Variants in PSMD14 observed in about 807,000 individuals in gnomAD.
PSMD14 encodes proteasome 26S subunit, non-ATPase 14, also known as ubiquitin C-terminal hydrolase PSMD14.
Under a neutral mutation model 41.2 loss-of-function variants are expected in PSMD14, and 7 were observed. The ratio of observed to expected loss-of-function variants is 0.17; its 90% CI spans 0.10 to 0.32. The LOEUF is 0.32. PSMD14 is among the 10% of genes least tolerant of loss of function. The pLI is 1.00. For missense variants in PSMD14, 139 were observed against 375.6 expected (o/e 0.37, Z 5.21); for synonymous variants, 114 against 122.3 (o/e 0.93, Z 0.45).
At chr2:161,345,953 A>C in intron 3 of PSMD14, among the ~76,000 whole-genome samples, 1 of 152,024 alleles carries the variant, frequency 6.6e-6, no homozygotes, top group East Asian at 1.9e-4. Context: ...GTACAGTGGC[A>C]TGATCACAGC....
chr2:161,331,217 T>A (rs1474520174), intron 3 of PSMD14, among the ~76,000 whole-genome samples: 1 of 152,166 alleles, frequency 6.6e-6, no homozygotes, highest in Non-Finnish European at 1.5e-5. Context: ...ATTGTATTCA[T>A]TTCCTGATTT....
chr2:161,314,782 G>A (rs1369356211), intron 1 of PSMD14, among the ~76,000 whole-genome samples: 2 of 152,162 alleles, frequency 1.3e-5, no homozygotes, highest in Non-Finnish European at 2.9e-5. Flanking sequence ...TGTGTTTATA[G>A]TAGAATTTGT....
intron 7 of PSMD14, among the ~76,000 whole-genome samples, chr2:161,380,994 T>C (rs1683564045): frequency 6.6e-6 from 1 of 151,990 alleles, no homozygotes; most frequent in Admixed American, 6.6e-5. Flanking sequence ...ATGGGTTAAG[T>C]GTTGCCTTTC....
chr2:161,391,070 A>G (rs377710223), intron 8 of PSMD14, 34 bp from the exon 9 acceptor site: 2 of 1,427,178 alleles, frequency 1.4e-6, no homozygotes, highest in Non-Finnish European at 1.9e-6. Context: ...GAAAAATATT[A>G]ATTTGTCCTT....
intron 3 of PSMD14, among the ~76,000 whole-genome samples, chr2:161,349,740 TCAGAG>T (rs1683093219): frequency 6.6e-6 from 1 of 152,142 alleles, no homozygotes; most frequent in Non-Finnish European, 1.5e-5. Flanking sequence ...GGTGTGCTCC[TCAGAG>T]GAGGGAGGAG....
intron 8 of PSMD14, among the ~76,000 whole-genome samples, chr2:161,389,879 C>CTTTTTTTTTTTTTTTTTTTTTTT (rs1470566207): frequency 5.2e-5 from 1 of 19,412 alleles, no homozygotes; most frequent in Non-Finnish European, 1.1e-4. Context: ...TATTTTCTTT[C>CTTTTTTTTTTTTTTTTTTTTTTT]TTTTTTGTTG....
chr2:161,326,264 C>G (rs1485174433), intron 3 of PSMD14, among the ~76,000 whole-genome samples: 1 of 152,110 alleles, frequency 6.6e-6, no homozygotes, highest in East Asian at 1.9e-4. Context: ...CTTCTGACCT[C>G]AATTGATCCG....
chr2:161,340,813 G>C (rs1682942422), intron 3 of PSMD14: 6 of 1,613,838 alleles, frequency 3.7e-6, no homozygotes, highest in Non-Finnish European at 5.1e-6. Flanking sequence ...GGATAACTTC[G>C]TTATTCTTCA....
chr2:161,397,310 G>C (rs1683814222), intron 10 of PSMD14, among the ~76,000 whole-genome samples: 1 of 152,182 alleles, frequency 6.6e-6, no homozygotes, highest in Admixed American at 6.5e-5. Context: ...GTAGCAGTGG[G>C]AATGGAGGTA....
chr2:161,360,869 A>G (rs747695641), intron 3 of PSMD14, among the ~76,000 whole-genome samples: 7 of 152,310 alleles, frequency 4.6e-5, no homozygotes, highest in Non-Finnish European at 1.0e-4. Context: ...TTCTGATGTA[A>G]TTAGTCTCTA....
chr2:161,355,452 T>C (rs1683182086), intron 3 of PSMD14, among the ~76,000 whole-genome samples: 1 of 152,178 alleles, frequency 6.6e-6, no homozygotes, highest in African/African-American at 2.4e-5. Context: ...TAAATTTCTA[T>C]AATGCTTAAA....
intron 3 of PSMD14, among the ~76,000 whole-genome samples, chr2:161,347,791 C>T (rs762778322): frequency 3.3e-5 from 5 of 152,070 alleles, no homozygotes; most frequent in East Asian, 3.8e-4. Context: ...CACTGTGTGC[C>T]GGGTACTCTT....
At chr2:161,339,307 T>C (rs573934517) in intron 3 of PSMD14, among the ~76,000 whole-genome samples, 2 of 152,318 alleles carry the variant, frequency 1.3e-5, no homozygotes, top group South Asian at 2.1e-4. Context: ...GTACTTGATA[T>C]GGTTAATTTT....
intron 3 of PSMD14, among the ~76,000 whole-genome samples, chr2:161,330,210 T>G (rs990763364): frequency 6.6e-6 from 1 of 152,278 alleles, no homozygotes; most frequent in African/African-American, 2.4e-5. Flanking sequence ...AAATAAAAAT[T>G]GTGAAAAGTA....
At chr2:161,393,942 A>T (rs886836960) in intron 9 of PSMD14, among the ~76,000 whole-genome samples, 3 of 150,718 alleles carry the variant, frequency 2.0e-5, no homozygotes, top group Non-Finnish European at 4.4e-5. Context: ...ATCCAACCCC[A>T]ATTTGCTGGT....
chr2:161,348,469 T>C (rs1159692523), intron 3 of PSMD14, among the ~76,000 whole-genome samples: 1 of 152,202 alleles, frequency 6.6e-6, no homozygotes, highest in Non-Finnish European at 1.5e-5. Context: ...TTTCAGGAAA[T>C]TGAAAATGGC....
rs184486940 is a variant in PSMD14 at position 161,400,066 on chromosome 2, A to G, written c.771+4863A>G. 3.1e-3 allele frequency among the ~76,000 whole-genome samples: 478 copies of G among 152,310 alleles called. 6 individuals are homozygous for G. Among genetic ancestry groups the G allele is most frequent in the Admixed American group, 7.2e-3 (110 of 15,302 alleles). ...GCAGGAGACTCCTATACTTTATGTA[A>G]CGCCTGAATTATTTTCAGTTTTTGC... On this transcript the variant is annotated intron_variant, in intron 10 of 11. Transcript: ENST00000409682.
At chr2:161,396,619 G>A (rs966898960) in intron 10 of PSMD14, among the ~76,000 whole-genome samples, 1 of 152,084 alleles carries the variant, frequency 6.6e-6, no homozygotes, top group Non-Finnish European at 1.5e-5. Flanking sequence ...TGGTTACCAG[G>A]AATGTGAGGT....
chr2:161,379,165 C>T (rs1293528109), intron 7 of PSMD14, among the ~76,000 whole-genome samples: 1 of 151,608 alleles, frequency 6.6e-6, no homozygotes, highest in African/African-American at 2.4e-5. Flanking sequence ...TTTAATTTTT[C>T]CACTAGAAAG....
Sources: allele counts gnomAD v4.1 joint callset (sites outside exome capture counted in the v4.1 genomes callset), GRCh38; gene constraint gnomAD v4.1.1; transcripts MANE v1.5; gene names NCBI Gene and HGNC (gene_info 2026-07-23, HGNC 2026-07-21).